Variants in MCHR2 observed in about 807,000 individuals in gnomAD.
The protein encoded by MCHR2 is melanin concentrating hormone receptor 2, also known as melanin-concentrating hormone receptor 2.
MCHR2 carries 15 observed loss-of-function variants against 24.8 expected under a neutral mutation model. The ratio of observed to expected loss-of-function variants is 0.60; its 90% CI spans 0.40 to 0.93. The LOEUF (loss-of-function observed/expected upper bound fraction) is 0.93, where lower values mean the gene tolerates loss of function less well. Ranked by LOEUF, MCHR2 falls within the 40% of genes least tolerant of loss-of-function variation. The probability of loss-of-function intolerance (pLI) is 0.00; values close to 1 mark genes in which losing one functional copy is unlikely to be tolerated. For synonymous variants in MCHR2, 151 were observed against 147.6 expected, an observed-to-expected ratio of 1.02 and a Z score of -0.17; for missense variants, 386 against 408.7, an observed-to-expected ratio of 0.94 and a Z score of 0.48.
At chr6:99,960,809 C>T (rs531698217) in intron 1 of MCHR2, among the ~76,000 whole-genome samples, 25 of 152,236 alleles carry the variant, frequency 1.6e-4, no homozygotes, top group African/African-American at 5.8e-4. Flanking sequence ...CCCTTCGTTA[C>T]ACCTTATACA....
At chr6:99,968,596 A>G (rs954039101) in intron 1 of MCHR2, among the ~76,000 whole-genome samples, 1 of 152,048 alleles carries the variant, frequency 6.6e-6, no homozygotes, top group Non-Finnish European at 1.5e-5. Flanking sequence ...TTACAGTCAT[A>G]TTGGCTGGGA....
At chr6:99,968,776 T>C (rs907769340) in intron 1 of MCHR2, among the ~76,000 whole-genome samples, 23 of 152,102 alleles carry the variant, frequency 1.5e-4, no homozygotes, top group African/African-American at 5.3e-4. Flanking sequence ...TGAAATCATA[T>C]AGTGTTTTTT....
intron 4 of MCHR2, among the ~76,000 whole-genome samples, chr6:99,935,918 T>C (rs544702103): frequency 6.6e-6 from 1 of 152,174 alleles, no homozygotes; most frequent in African/African-American, 2.4e-5. Context: ...TATCTCCTTG[T>C]GGTTTTGATT....
intron 5 of MCHR2, among the ~76,000 whole-genome samples, chr6:99,927,375 G>A (rs201461401): frequency 1.3e-5 from 2 of 152,072 alleles, no homozygotes; most frequent in Non-Finnish European, 2.9e-5. Flanking sequence ...CTGTGAAGAA[G>A]GTCATTGGTA....
chr6:99,920,912 C>G lies in MCHR2; in HGVS notation c.*28G>C, dbSNP rs375548832. 5 of 1,602,240 alleles carry G rather than the reference C, an allele frequency of 3.1e-6. No individual in the cohort carries two copies. In the African/African-American group the frequency reaches 6.7e-5, roughly 21 times the overall value. ...ATACCAGTAAGATAGACAATCATGT[C>G]TAGACTCATGGTGATCCATGTACTT... On this transcript the variant is annotated 3_prime_UTR_variant, in exon 6 of 6. Coordinates refer to ENST00000281806, the MANE Select transcript of MCHR2 (RefSeq NM_001040179.2).
chr6:99,946,768 T>G (rs980724897), intron 3 of MCHR2, among the ~76,000 whole-genome samples: 6 of 152,246 alleles, frequency 3.9e-5, no homozygotes, highest in Middle Eastern at 3.4e-3. Flanking sequence ...GGATTAAATG[T>G]GTTGGGCTAG....
At chr6:99,943,258 C>T (rs1448062250) in intron 3 of MCHR2, 115 bp from the exon 4 acceptor site, 1 of 553,394 alleles carries the variant, frequency 1.8e-6, no homozygotes, top group African/African-American at 1.9e-5. Flanking sequence ...CTGAAGCACA[C>T]CTCTATCAGG....
intron 1 of MCHR2, among the ~76,000 whole-genome samples, chr6:99,990,144 TC>T (rs1775843152): frequency 6.6e-6 from 1 of 152,200 alleles, no homozygotes; most frequent in Non-Finnish European, 1.5e-5. Context: ...GTTTGGGATG[TC>T]AGGTATATTT....
intron 5 of MCHR2, among the ~76,000 whole-genome samples, chr6:99,932,571 G>A (rs765753792): frequency 3.9e-5 from 6 of 152,148 alleles, no homozygotes; most frequent in Non-Finnish European, 5.9e-5. Flanking sequence ...GTGATGTAAC[G>A]TGGCTATCAT....
Position 99,947,943 on chromosome 6 carries a change from A to G in MCHR2, c.211T>C (p.Tyr71His). The G allele has an allele frequency of 6.2e-7, 1 of 1,613,670 alleles. No homozygotes were observed. Among genetic ancestry groups the G allele is most frequent in the Non-Finnish European group, 8.5e-7 (1 of 1,179,746 alleles). Residue 71 changes from tyrosine (Y) to histidine (H), a missense_variant, in exon 3 of 6, where the codon TAT becomes CAT. Transcript: ENST00000281806. ...RSRKKTVPDIYICNLAVADLV... is the reference protein window; with the variant it reads ...RSRKKTVPDIHICNLAVADLV... ...TCAGCCACAGCCAGGTTGCAGATAT[A>G]GATGTCAGGGACTGTTTTTTTCCTG...
chr6:99,933,821 T>C (rs1774594891), intron 5 of MCHR2, among the ~76,000 whole-genome samples: 5 of 152,106 alleles, frequency 3.3e-5, no homozygotes, highest in Admixed American at 3.3e-4. Context: ...GATTGTGGAA[T>C]ACACAATCTC....
intron 2 of MCHR2, among the ~76,000 whole-genome samples, chr6:99,952,770 C>A (rs1354859779): frequency 6.6e-6 from 1 of 151,950 alleles, no homozygotes; most frequent in Non-Finnish European, 1.5e-5. Flanking sequence ...TTTGGAGAGC[C>A]ATGTGCAAGG....
chr6:99,958,033 T>C (rs1775100339), intron 1 of MCHR2, among the ~76,000 whole-genome samples: 1 of 151,876 alleles, frequency 6.6e-6, no homozygotes, highest in Non-Finnish European at 1.5e-5. Flanking sequence ...CTAAATAAAC[T>C]CTTGAAAAAA....
At chr6:99,926,297 G>A (rs1010089227) in intron 5 of MCHR2, among the ~76,000 whole-genome samples, 17 of 152,008 alleles carry the variant, frequency 1.1e-4, no homozygotes, top group Non-Finnish European at 2.1e-4. Flanking sequence ...ATAAACATAC[G>A]TATGCATGTG....
At chr6:99,932,674 C>T (rs1774571499) in intron 5 of MCHR2, among the ~76,000 whole-genome samples, 1 of 151,944 alleles carries the variant, frequency 6.6e-6, no homozygotes, top group Admixed American at 6.6e-5. Context: ...CAGGCGAACT[C>T]GTATTGGGAA....
chr6:99,971,768 G>T lies in MCHR2; in HGVS notation c.-27-15594C>A, dbSNP rs544718826. Among the ~76,000 whole-genome samples, 23 of 152,314 alleles carry T rather than the reference G, an allele frequency of 1.5e-4. No individual in the cohort carries two copies. In the East Asian group the frequency reaches 4.2e-3, roughly 28 times the overall value. On this transcript the variant is annotated intron_variant, in intron 1 of 5. Coordinates refer to ENST00000281806, the MANE Select transcript of MCHR2 (RefSeq NM_001040179.2). Reference sequence around the variant, plus strand: ...CTAATTTATTGAGAGTTTTTAGCATGAAGTGTTGTTGAATTTTGTCAAAGG... The same window carrying T: ...CTAATTTATTGAGAGTTTTTAGCATTAAGTGTTGTTGAATTTTGTCAAAGG...
chr6:99,961,034 T>C (rs920516222), intron 1 of MCHR2, among the ~76,000 whole-genome samples: 36 of 151,692 alleles, frequency 2.4e-4, no homozygotes, highest in African/African-American at 2.7e-4. Flanking sequence ...GTCATGAGAG[T>C]GAACAGGTAA....
At chr6:99,928,860 T>A (rs559524087) in intron 5 of MCHR2, among the ~76,000 whole-genome samples, 6 of 152,356 alleles carry the variant, frequency 3.9e-5, no homozygotes, top group South Asian at 2.1e-4. Flanking sequence ...TGATTTTAGT[T>A]ATTTCTTGCC....
At chr6:99,939,870 G>T (rs1396667715) in intron 4 of MCHR2, among the ~76,000 whole-genome samples, 6 of 41,644 alleles carry the variant, frequency 1.4e-4, no homozygotes, top group Non-Finnish European at 8.5e-5. Context: ...TGGATGGCAG[G>T]TGTTTTTTTT....
Sources: gnomAD v4.1 joint callset for allele counts (sites outside exome capture counted in the v4.1 genomes callset) on GRCh38, gnomAD v4.1.1 for gene constraint, MANE v1.5 for transcripts, NCBI Gene and HGNC (gene_info 2026-07-23, HGNC 2026-07-21) for gene names.